The following KIFAP3 variants were observed in gnomAD, a reference collection of about 807,000 sequenced individuals.
KIFAP3 encodes the protein kinesin associated protein 3.
A neutral mutation model predicts 106.5 loss-of-function variants in KIFAP3; 68 were observed. That is an observed-to-expected ratio of 0.64 (90% CI 0.53 to 0.78). KIFAP3 has a LOEUF of 0.78. Ranked by LOEUF, KIFAP3 falls within the 30% of genes least tolerant of loss-of-function variation. The pLI is 0.00. For missense variants in KIFAP3, 780 were observed against 941.8 expected, an observed-to-expected ratio of 0.83 and a Z score of 2.25; for synonymous variants, 320 against 311.5, an observed-to-expected ratio of 1.03 and a Z score of -0.29.
chr1:169,986,162 C>A (rs185315543), intron 11 of KIFAP3, among the ~76,000 whole-genome samples: 14 of 151,816 alleles, frequency 9.2e-5, no homozygotes, highest in Admixed American at 8.6e-4. Flanking sequence ...TTATTTTAGA[C>A]CTCTTTCTGT....
intron 19 of KIFAP3, among the ~76,000 whole-genome samples, chr1:169,950,405 C>T (rs1166867035): frequency 6.6e-6 from 1 of 152,082 alleles, no homozygotes; most frequent in Admixed American, 6.5e-5. Flanking sequence ...ATTACTCTTT[C>T]TCCAGATAAC....
intron 6 of KIFAP3, 46 bp downstream of exon 6, chr1:170,035,408 C>G (rs925091993): frequency 1.7e-6 from 2 of 1,170,528 alleles, no homozygotes; most frequent in Non-Finnish European, 2.4e-6. Context: ...AGACAAAGAG[C>G]AATAGAGATA....
intron 2 of KIFAP3, among the ~76,000 whole-genome samples, chr1:170,053,946 G>T (rs1161756785): frequency 6.6e-6 from 1 of 152,154 alleles, no homozygotes; most frequent in African/African-American, 2.4e-5. Flanking sequence ...AGGACTTCAT[G>T]ACTAAAACAC....
At chr1:170,019,448 C>T (rs1477186458) in intron 9 of KIFAP3, among the ~76,000 whole-genome samples, 1 of 151,932 alleles carries the variant, frequency 6.6e-6, no homozygotes, top group East Asian at 1.9e-4. Flanking sequence ...TAAAACTTAG[C>T]AATATATATA....
intron 10 of KIFAP3, among the ~76,000 whole-genome samples, chr1:170,003,746 C>T (rs1450249535): frequency 6.6e-6 from 1 of 152,200 alleles, no homozygotes; most frequent in Non-Finnish European, 1.5e-5. Context: ...AAACCACAGC[C>T]AATATCATAC....
At chr1:170,053,962 G>A (rs1386474141) in intron 2 of KIFAP3, among the ~76,000 whole-genome samples, 2 of 152,114 alleles carry the variant, frequency 1.3e-5, no homozygotes. Context: ...AACACCAAAA[G>A]CAATGGAAAC....
intron 3 of KIFAP3, among the ~76,000 whole-genome samples, chr1:170,041,506 G>T (rs1055591767): frequency 2.0e-5 from 3 of 152,110 alleles, no homozygotes; most frequent in African/African-American, 7.2e-5. Context: ...AGCCAGGTAT[G>T]GTTACAATTT....
chr1:169,972,724 AATC>A, intron 16 of KIFAP3, 126 bp from the exon 17 acceptor site: 1 of 520,090 alleles, frequency 1.9e-6, no homozygotes, highest in South Asian at 2.9e-5. Flanking sequence ...TTTAAAATAA[AATC>A]ATTAATACAA....
rs985540147 is a variant in KIFAP3, at chr1:170,000,429, C to T, written c.1184-8174G>A. Among the ~76,000 whole-genome samples, 5 of 152,196 alleles carry T rather than the reference C, an allele frequency of 3.3e-5. No homozygotes were observed. The East Asian group carries it at 7.7e-4, about 23-fold the overall frequency. ...TACCCCTGGAAAGTCTATATGAATACAACGTGCTTCAAAATTTGCAGGTGT... is the reference window on the plus strand; with the variant it reads ...TACCCCTGGAAAGTCTATATGAATATAACGTGCTTCAAAATTTGCAGGTGT... On this transcript the variant is annotated intron_variant, in intron 10 of 19. Transcript: ENST00000361580.
chr1:170,012,961 G>A (rs1026529471), intron 10 of KIFAP3, among the ~76,000 whole-genome samples: 3 of 152,008 alleles, frequency 2.0e-5, no homozygotes, highest in African/African-American at 7.2e-5. Context: ...CACCTGGCCC[G>A]GCCCTTGAAA....
intron 19 of KIFAP3, among the ~76,000 whole-genome samples, chr1:169,946,745 G>A (rs2101826126): frequency 1.3e-5 from 2 of 152,050 alleles, no homozygotes; most frequent in South Asian, 4.1e-4. Context: ...CATATACTTA[G>A]ATTTAGAGTA....
Position 169,971,056 on chromosome 1 carries a change from T to C in KIFAP3, c.1983+1457A>G, listed in dbSNP as rs547340734. Reference sequence around the variant, plus strand: ...TTTTATAATAAATACATTTGTATTTTATACAAAATATTTTTAGATGAAGGC... The same window carrying C: ...TTTTATAATAAATACATTTGTATTTCATACAAAATATTTTTAGATGAAGGC... On this transcript the variant is annotated intron_variant, in intron 17 of 19. Coordinates refer to ENST00000361580, the MANE Select transcript of KIFAP3 (RefSeq NM_014970.4). Among the ~76,000 whole-genome samples the C allele has an allele frequency of 2.6e-5, 4 of 152,184 alleles. No individual in the cohort carries two copies. The South Asian group carries it at 8.3e-4, about 32-fold the overall frequency.
chr1:170,071,648 A>G (rs1671709311), intron 1 of KIFAP3, among the ~76,000 whole-genome samples: 1 of 152,178 alleles, frequency 6.6e-6, no homozygotes, highest in Admixed American at 6.5e-5. Flanking sequence ...CATTCCCAAG[A>G]GAGCTAATCC....
intron 1 of KIFAP3, among the ~76,000 whole-genome samples, chr1:170,062,996 A>T (rs774937993): frequency 2.6e-5 from 4 of 152,028 alleles, no homozygotes; most frequent in Admixed American, 6.6e-5. Context: ...CTTGCTTCCA[A>T]CCTCACATGC....
intron 19 of KIFAP3, among the ~76,000 whole-genome samples, chr1:169,932,690 C>G (rs1380770952): frequency 7.7e-6 from 1 of 129,180 alleles, no homozygotes; most frequent in Non-Finnish European, 1.6e-5. Context: ...TAACACCAGA[C>G]TTTTTTTTTT....
chr1:169,949,667 T>G (rs1255994952), intron 19 of KIFAP3, among the ~76,000 whole-genome samples: 1 of 152,122 alleles, frequency 6.6e-6, no homozygotes, highest in Non-Finnish European at 1.5e-5. Flanking sequence ...CTCCTATTAT[T>G]TTTAATTAGC....
chr1:170,070,050 A>C (rs1202698607), intron 1 of KIFAP3, among the ~76,000 whole-genome samples: 1 of 152,114 alleles, frequency 6.6e-6, no homozygotes, highest in Non-Finnish European at 1.5e-5. Flanking sequence ...AAGGAAATTT[A>C]GAAAACTTCA....
intron 17 of KIFAP3, among the ~76,000 whole-genome samples, chr1:169,963,244 G>C (rs1461547864): frequency 1.3e-5 from 2 of 152,082 alleles, no homozygotes; most frequent in Admixed American, 6.5e-5. Flanking sequence ...TAAGATAATG[G>C]CCTCCAGCTC....
intron 19 of KIFAP3, among the ~76,000 whole-genome samples, chr1:169,936,488 G>T (rs1311773101): frequency 6.6e-6 from 1 of 151,804 alleles, no homozygotes; most frequent in Non-Finnish European, 1.5e-5. Flanking sequence ...CTAGTGAATT[G>T]TCAGACCATC....
Sources: allele counts gnomAD v4.1 joint callset (sites outside exome capture counted in the v4.1 genomes callset), GRCh38; gene constraint gnomAD v4.1.1; transcripts MANE v1.5; gene names NCBI Gene and HGNC (gene_info 2026-07-23, HGNC 2026-07-21).